Variants in DGKB observed in about 807,000 individuals in gnomAD.
DGKB encodes diacylglycerol kinase beta, also known as 90 kDa diacylglycerol kinase.
A neutral mutation model predicts 114.3 loss-of-function variants in DGKB; 67 were observed. The observed-to-expected ratio is 0.59, with a 90% CI of 0.48 to 0.72. DGKB has a LOEUF of 0.72. Among genes scored for constraint, DGKB ranks in the 30% least tolerant of loss-of-function variants. DGKB has a pLI of 0.00. For synonymous variants in DGKB, 398 were observed against 323.1 expected, an observed-to-expected ratio of 1.23 and a Z score of -2.49; for missense variants, 907 against 975.2, an observed-to-expected ratio of 0.93 and a Z score of 0.93.
intron 21 of DGKB, among the ~76,000 whole-genome samples, chr7:14,476,194 CAT>C (rs957839983): frequency 1.5e-4 from 23 of 151,872 alleles, no homozygotes; most frequent in Admixed American, 8.5e-4. Context: ...CATAGAATGA[CAT>C]GTGGGAAAGC....
At chr7:14,700,244 T>G (rs1204256873) in intron 7 of DGKB, among the ~76,000 whole-genome samples, 1 of 150,600 alleles carries the variant, frequency 6.6e-6, no homozygotes, top group African/African-American at 2.4e-5. Context: ...GATGGAGTCT[T>G]GCTCTCTCGC....
At chr7:14,241,868 A>G (rs1793694725) in intron 23 of DGKB, among the ~76,000 whole-genome samples, 1 of 152,036 alleles carries the variant, frequency 6.6e-6, no homozygotes, top group Non-Finnish European at 1.5e-5. Flanking sequence ...AATTATTTTT[A>G]GAAGCAGAGA....
At chr7:14,822,451 G>C (rs2096905912) in intron 2 of DGKB, among the ~76,000 whole-genome samples, 1 of 152,124 alleles carries the variant, frequency 6.6e-6, no homozygotes. Context: ...CGAGACAGTT[G>C]AGGATTTGGG....
intron 21 of DGKB, among the ~76,000 whole-genome samples, chr7:14,466,885 G>A (rs1454733301): frequency 1.3e-5 from 2 of 152,034 alleles, no homozygotes; most frequent in Non-Finnish European, 2.9e-5. Flanking sequence ...TCAGCCTGAT[G>A]ACTTTGTCAG....
At chr7:14,337,500 T>G (rs1212842690) in intron 23 of DGKB, among the ~76,000 whole-genome samples, 2 of 152,148 alleles carry the variant, frequency 1.3e-5, no homozygotes, top group Non-Finnish European at 2.9e-5. Flanking sequence ...TTTTCCACTT[T>G]CATGGTACCA....
chr7:14,634,909 T>A (rs1161630404), intron 13 of DGKB, among the ~76,000 whole-genome samples: 2 of 151,560 alleles, frequency 1.3e-5, no homozygotes, highest in Non-Finnish European at 3.0e-5. Context: ...GGACGTGAGA[T>A]AAAAATGATT....
chr7:14,358,895 C>T (rs1449581993), intron 21 of DGKB, among the ~76,000 whole-genome samples: 1 of 152,044 alleles, frequency 6.6e-6, no homozygotes, highest in Non-Finnish European at 1.5e-5. Flanking sequence ...AGATTCAATG[C>T]CATCCCCATC....
At chr7:14,878,364 G>C (rs896465175) in intron 1 of DGKB, among the ~76,000 whole-genome samples, 2 of 152,146 alleles carry the variant, frequency 1.3e-5, no homozygotes, top group African/African-American at 4.8e-5. Flanking sequence ...AGCAGCCAGA[G>C]CACTTATGTG....
At chr7:14,255,886 G>A (rs1013818567) in intron 23 of DGKB, among the ~76,000 whole-genome samples, 2 of 152,100 alleles carry the variant, frequency 1.3e-5, no homozygotes, top group African/African-American at 4.8e-5. Flanking sequence ...CAAACCTGTC[G>A]CAGCAAAGAT....
chr7:14,413,146 T>A (rs1365449762), intron 21 of DGKB, among the ~76,000 whole-genome samples: 1 of 151,906 alleles, frequency 6.6e-6, no homozygotes, highest in Non-Finnish European at 1.5e-5. Flanking sequence ...ATGGATTGGA[T>A]ATGGAGAGTG....
At chr7:14,552,624 G>A (rs997453569) in intron 20 of DGKB, among the ~76,000 whole-genome samples, 1 of 152,084 alleles carries the variant, frequency 6.6e-6, no homozygotes, top group Non-Finnish European at 1.5e-5. Context: ...TTTTAAACAC[G>A]AAAAGCTATC....
At chr7:14,267,881 C>A (rs1370035382) in intron 23 of DGKB, among the ~76,000 whole-genome samples, 1 of 152,064 alleles carries the variant, frequency 6.6e-6, no homozygotes, top group Non-Finnish European at 1.5e-5. Context: ...TGAGGTGACA[C>A]CCCATTTTAT....
At chr7:14,463,177 G>A (rs1230003882) in intron 21 of DGKB, among the ~76,000 whole-genome samples, 1 of 151,926 alleles carries the variant, frequency 6.6e-6, no homozygotes, top group Admixed American at 6.6e-5. Context: ...TCACTCATAA[G>A]TGGGAGTTGA....
intron 17 of DGKB, among the ~76,000 whole-genome samples, chr7:14,600,384 C>T (rs780044727): frequency 6.6e-6 from 1 of 152,148 alleles, no homozygotes; most frequent in Non-Finnish European, 1.5e-5. Context: ...TGCCTCTGCT[C>T]TCCCAAAATT....
intron 14 of DGKB, among the ~76,000 whole-genome samples, chr7:14,628,942 T>C (rs1378556134): frequency 6.6e-6 from 1 of 151,964 alleles, no homozygotes; most frequent in Non-Finnish European, 1.5e-5. Context: ...TCCTGAAAAT[T>C]AAAAAAATAT....
At chr7:14,270,608 A>C (rs1351704926) in intron 23 of DGKB, among the ~76,000 whole-genome samples, 1 of 152,242 alleles carries the variant, frequency 6.6e-6, no homozygotes, top group Non-Finnish European at 1.5e-5. Flanking sequence ...AATGATAAAT[A>C]AATAGGTGCA....
intron 17 of DGKB, among the ~76,000 whole-genome samples, chr7:14,596,353 T>C (rs2128753586): frequency 6.6e-6 from 1 of 152,318 alleles, no homozygotes; most frequent in South Asian, 2.1e-4. Context: ...TTGAACTTTG[T>C]ACATTTCAAA....
At chr7:14,601,444 T>C (rs1158731842) in intron 17 of DGKB, among the ~76,000 whole-genome samples, 1 of 152,208 alleles carries the variant, frequency 6.6e-6, no homozygotes, top group African/African-American at 2.4e-5. Flanking sequence ...GACATACTAA[T>C]CTACCCAAAC....
intron 1 of DGKB, among the ~76,000 whole-genome samples, chr7:14,921,076 G>C (rs1433471305): frequency 2.0e-5 from 3 of 152,060 alleles, no homozygotes; most frequent in Non-Finnish European, 4.4e-5. Flanking sequence ...TACCCAATAA[G>C]TAGTTTTTCA....
Sources: gnomAD v4.1 joint callset for allele counts (sites outside exome capture counted in the v4.1 genomes callset) on GRCh38, gnomAD v4.1.1 for gene constraint, MANE v1.5 for transcripts, NCBI Gene and HGNC (gene_info 2026-07-23, HGNC 2026-07-21) for gene names.